CEP350: variants seen among roughly 807,000 people sequenced by gnomAD.
The protein encoded by CEP350 is centrosome-associated protein 350.
Under a neutral mutation model 331.8 loss-of-function variants are expected in CEP350, and 126 were observed. The observed-to-expected ratio is 0.38, with a 90% CI of 0.33 to 0.44. The LOEUF (loss-of-function observed/expected upper bound fraction) is 0.44. CEP350 is among the 20% of genes least tolerant of loss of function. The pLI is 1.00. For synonymous variants in CEP350, 1,200 were observed against 1,259.5 expected, an observed-to-expected ratio of 0.95 and a Z score of 1.00; for missense variants, 3,406 against 3,634.6, an observed-to-expected ratio of 0.94 and a Z score of 1.62.
At chr1:180,058,374 A>G (rs1657985286) in intron 25 of CEP350, among the ~76,000 whole-genome samples, 1 of 152,208 alleles carries the variant, frequency 6.6e-6, no homozygotes, top group African/African-American at 2.4e-5. Context: ...GTAGCATGAG[A>G]TCTTCATTTA....
In CEP350 at chr1:180,041,821, A is replaced by G. The variant is rs1656777759; in HGVS notation, c.4362+19A>G. On this transcript the variant is annotated intron_variant, in intron 19 of 37. Transcript: ENST00000367607. ...CTGTGAGGTAGGTGCCACTGAGAACACTTCTCTTTTTACTTCTTTTTAGTC... is the reference window on the plus strand; with the variant it reads ...CTGTGAGGTAGGTGCCACTGAGAACGCTTCTCTTTTTACTTCTTTTTAGTC... The G allele has an allele frequency of 5.6e-6, 9 of 1,601,098 alleles. No homozygotes were observed. Among genetic ancestry groups the G allele is most frequent in the Non-Finnish European group, 7.7e-6 (9 of 1,173,764 alleles).
chr1:179,969,733 G>A (rs1651295890), intron 1 of CEP350, among the ~76,000 whole-genome samples: 1 of 152,044 alleles, frequency 6.6e-6, no homozygotes. Flanking sequence ...TGGGAGGGTT[G>A]CTTGAGCCCA....
In CEP350 at chr1:180,043,088, T is replaced by C. The variant is rs1208707939; in HGVS notation, c.4395T>C (p.Asp1465=). ...MAELTRTHIS[D]AVVASGAPLA... is the part of the protein sequence containing the mutation. ...AGTTGACTAGAACTCATATCTCAGA[T>C]GCTGTCGTGGCTTCAGGAGCTCCCC... The change falls in exon 20 of 38, where the codon GAT becomes GAC. Residue 1465 remains aspartate (D), a synonymous_variant. Coordinates refer to ENST00000367607, the MANE Select transcript of CEP350 (RefSeq NM_014810.5). 6.2e-7 allele frequency: 1 copy of C among 1,613,748 alleles called. No homozygotes were observed. Among genetic ancestry groups the C allele is most frequent in the South Asian group, 1.1e-5 (1 of 91,046 alleles).
At chr1:179,964,988 T>G (rs1650900810) in intron 1 of CEP350, among the ~76,000 whole-genome samples, 1 of 152,042 alleles carries the variant, frequency 6.6e-6, no homozygotes, top group African/African-American at 2.4e-5. Context: ...TAAGTTCAAC[T>G]TTAAGTTGTC....
At chr1:180,014,748 G>T (rs1278400073) in intron 10 of CEP350, among the ~76,000 whole-genome samples, 1 of 152,108 alleles carries the variant, frequency 6.6e-6, no homozygotes, top group South Asian at 2.1e-4. Flanking sequence ...ATTGCTATTA[G>T]TTACATCCCT....
At chr1:180,062,140 G>A (rs763474012) in intron 25 of CEP350, 80 bp from the exon 26 acceptor site, 2 of 1,258,056 alleles carry the variant, frequency 1.6e-6, no homozygotes, top group Non-Finnish European at 2.1e-6. Flanking sequence ...TTTAATATAT[G>A]TGCTGATTTT....
In CEP350 at chr1:180,014,525, C is replaced by G. The variant is rs1387032520; in HGVS notation, c.2052+20C>G. 2.2e-5 allele frequency: 34 copies of G among 1,561,560 alleles called. No individual in the cohort carries two copies. The Admixed American group carries it at 7.0e-4, about 32-fold the overall frequency. On this transcript the variant is annotated intron_variant, in intron 10 of 37. Coordinates refer to ENST00000367607, the MANE Select transcript of CEP350 (RefSeq NM_014810.5). ...ACACAGGTAATAGTAGTGACATATACAAAGGAGAGTCATTCATGGTTAGGA... is the reference window on the plus strand; with the variant it reads ...ACACAGGTAATAGTAGTGACATATAGAAAGGAGAGTCATTCATGGTTAGGA...
chr1:179,989,381 G>T (rs1318519734), intron 3 of CEP350, among the ~76,000 whole-genome samples: 1 of 151,404 alleles, frequency 6.6e-6, no homozygotes, highest in African/African-American at 2.4e-5. Context: ...TATTTGGGAG[G>T]CTGAGGTGGG....
At chr1:180,048,505 G>T in intron 21 of CEP350, 31 bp from the exon 22 acceptor site, 1 of 1,478,484 alleles carries the variant, frequency 6.8e-7, no homozygotes, top group Non-Finnish European at 9.3e-7. Context: ...TGTTAATTTT[G>T]TTGTTGTTGT....
At chr1:180,091,745 G>T (rs751721222) in intron 33 of CEP350, among the ~76,000 whole-genome samples, 1 of 151,474 alleles carries the variant, frequency 6.6e-6, no homozygotes, top group Non-Finnish European at 1.5e-5. Flanking sequence ...CAGGAAGATC[G>T]CTTACACCCA....
At chr1:180,096,533 C>T (rs1660489030) in intron 36 of CEP350, among the ~76,000 whole-genome samples, 1 of 151,928 alleles carries the variant, frequency 6.6e-6, no homozygotes, top group South Asian at 2.1e-4. Context: ...GTTTTGGGGG[C>T]TTTAGAGATA....
chr1:180,082,238 T>C (rs1298416966), intron 30 of CEP350, among the ~76,000 whole-genome samples: 1 of 152,214 alleles, frequency 6.6e-6, no homozygotes, highest in Non-Finnish European at 1.5e-5. Flanking sequence ...TAAATGGTTT[T>C]AGAAAAGTAG....
At chr1:179,983,504 G>T (rs1190213860) in intron 1 of CEP350, among the ~76,000 whole-genome samples, 5 of 152,128 alleles carry the variant, frequency 3.3e-5, no homozygotes, top group Non-Finnish European at 2.9e-5. Context: ...CAAAGTGCTG[G>T]GATTACAGGC....
intron 34 of CEP350, 70 bp from the exon 35 acceptor site, chr1:180,095,453 G>T (rs1660430747): frequency 6.7e-7 from 1 of 1,501,388 alleles, no homozygotes; most frequent in Admixed American, 2.2e-5. Flanking sequence ...CATTTACTCT[G>T]TCTTTTTTTA....
rs780654494 is a variant in CEP350 at position 180,048,564 on chromosome 1, A to G, written c.4651A>G (p.Ser1551Gly). 13 of 1,607,066 alleles carry G rather than the reference A, an allele frequency of 8.1e-6. No homozygotes were observed. Among genetic ancestry groups the G allele is most frequent in the Admixed American group, 1.7e-5 (1 of 58,766 alleles). The change falls in exon 22 of 38, where the codon AGT becomes GGT. Residue 1551 changes from serine to glycine, a missense_variant. Coordinates refer to ENST00000367607, the MANE Select transcript of CEP350 (RefSeq NM_014810.5). Reference sequence around the variant, plus strand: ...TAGCAGTGGTAGCAGCCGCCAAGAAAGTCCTTCAGTTCCATCTTGTAAGGA... The same window carrying G: ...TAGCAGTGGTAGCAGCCGCCAAGAAGGTCCTTCAGTTCCATCTTGTAAGGA... ...RSSSGSSRQE[S>G]PSVPSCKENE... is the part of the protein sequence containing the mutation.
chr1:180,080,414 T>C, intron 29 of CEP350, 103 bp from the exon 30 acceptor site: 1 of 1,018,394 alleles, frequency 9.8e-7, no homozygotes, highest in Non-Finnish European at 1.4e-6. Flanking sequence ...TTATCTTAAA[T>C]TCTTTGTAAA....
chr1:180,063,687 C>T (rs1489003046), intron 26 of CEP350, among the ~76,000 whole-genome samples: 1 of 152,060 alleles, frequency 6.6e-6, no homozygotes, highest in Non-Finnish European at 1.5e-5. Flanking sequence ...GTGGCATACA[C>T]CTATAGTCCC....
chr1:180,007,488 T>C (rs1654337919), intron 8 of CEP350, among the ~76,000 whole-genome samples: 1 of 152,242 alleles, frequency 6.6e-6, no homozygotes. Context: ...AAGTTCCTTG[T>C]AGATTCTGGA....
In CEP350 at chr1:180,080,541, G is replaced by A; in HGVS notation, c.6004G>A (p.Val2002Met). The A allele has an allele frequency of 6.2e-7, 1 of 1,613,728 alleles. No individual in the cohort carries two copies. ...GTCACTTCCCAAAAGCTGCACATCT[G>A]TGTCAAAGCAGGAGTCTAGCAAAGG... The part of the protein sequence containing the change: ...KHSLPKSCTS[V>M]SKQESSKGSH... The change falls in exon 30 of 38, where the codon GTG (valine) becomes ATG (methionine). Residue 2002 changes from valine to methionine, a missense_variant. Transcript: ENST00000367607.
Sources: allele counts gnomAD v4.1 joint callset (sites outside exome capture counted in the v4.1 genomes callset), GRCh38; gene constraint gnomAD v4.1.1; transcripts MANE v1.5; gene names NCBI Gene and HGNC (gene_info 2026-07-23, HGNC 2026-07-21).